GALNT1: variants seen among roughly 807,000 people sequenced by gnomAD.
The protein encoded by GALNT1 is polypeptide N-acetylgalactosaminyltransferase 1, also known as GalNAc transferase 1.
A neutral mutation model predicts 65.7 loss-of-function variants in GALNT1; 17 were observed. That is an observed-to-expected ratio of 0.26 (90% CI 0.18 to 0.39). The LOEUF (loss-of-function observed/expected upper bound fraction) is 0.39, where lower values mean the gene tolerates loss of function less well. Among genes scored for constraint, GALNT1 ranks in the 10% least tolerant of loss-of-function variants. The pLI is 1.00. For missense variants in GALNT1, 460 were observed against 672.8 expected (o/e 0.68, Z 3.50); for synonymous variants, 210 against 219.7 (o/e 0.96, Z 0.39).
chr18:35,702,735 A>C, intron 9 of GALNT1, 162 bp from the exon 10 acceptor site: 1 of 429,106 alleles, frequency 2.3e-6, no homozygotes. Context: ...AGACCTTTCT[A>C]GACCAATGAA....
intron 1 of GALNT1, among the ~76,000 whole-genome samples, chr18:35,618,981 C>CT (rs2144091740): frequency 6.6e-6 from 1 of 151,904 alleles, no homozygotes; most frequent in East Asian, 1.9e-4. Flanking sequence ...AACTAAGAGA[C>CT]GTTAAATGAC....
chr18:35,661,530 C>G (rs910689802), intron 2 of GALNT1, among the ~76,000 whole-genome samples: 2 of 150,262 alleles, frequency 1.3e-5, no homozygotes, highest in Non-Finnish European at 3.0e-5. Context: ...AAAAATTAAA[C>G]TCTCATGTAT....
intron 1 of GALNT1, among the ~76,000 whole-genome samples, chr18:35,637,733 T>C (rs1388303413): frequency 6.6e-6 from 1 of 152,244 alleles, no homozygotes; most frequent in African/African-American, 2.4e-5. Flanking sequence ...CAGCCTTCTA[T>C]TGGAAGAAGA....
chr18:35,602,394 A>G (rs912132569), intron 1 of GALNT1, among the ~76,000 whole-genome samples: 3 of 151,774 alleles, frequency 2.0e-5, no homozygotes, highest in Non-Finnish European at 2.9e-5. Context: ...GTATCTGTGT[A>G]TTTATATCTT....
chr18:35,636,285 G>A (rs2047087634), intron 1 of GALNT1, among the ~76,000 whole-genome samples: 1 of 152,110 alleles, frequency 6.6e-6, no homozygotes, highest in Non-Finnish European at 1.5e-5. Flanking sequence ...ACTTGACTCT[G>A]GAATGTCTTT....
chr18:35,614,993 AAAG>A (rs1246491897), intron 1 of GALNT1, among the ~76,000 whole-genome samples: 4 of 152,138 alleles, frequency 2.6e-5, no homozygotes, highest in South Asian at 2.1e-4. Context: ...ATGTTCATAG[AAAG>A]AAGGTTTCCT....
intron 1 of GALNT1, among the ~76,000 whole-genome samples, chr18:35,617,944 G>A (rs540097412): frequency 6.6e-6 from 1 of 150,560 alleles, no homozygotes; most frequent in Admixed American, 6.6e-5. Flanking sequence ...TTTTCTTTTC[G>A]ATAACTCTTC....
chr18:35,691,120 A>G lies in GALNT1; in HGVS notation c.1087A>G (p.Asn363Asp), dbSNP rs2047954647. Residue 363 changes from asparagine to aspartate, a missense_variant, in exon 8 of 12, where the codon AAT (asparagine) becomes GAT (aspartate). Coordinates refer to ENST00000269195, the MANE Select transcript of GALNT1 (RefSeq NM_020474.4). Reference sequence around the variant, plus strand: ...TCCAGGAGGCACAGGGCAGATTATCAATAAAAATAACAGACGACTTGCAGA... The same window carrying G: ...TCCAGGAGGCACAGGGCAGATTATCGATAAAAATAACAGACGACTTGCAGA... ...TFPGGTGQII[N>D]KNNRRLAEVW... The G allele has an allele frequency of 6.2e-7, 1 of 1,613,080 alleles. No individual in the cohort carries two copies.
chr18:35,607,262 T>C (rs999543490), intron 1 of GALNT1, among the ~76,000 whole-genome samples: 2 of 151,514 alleles, frequency 1.3e-5, no homozygotes, highest in African/African-American at 4.9e-5. Context: ...GAGAGCAGAG[T>C]TGATTGGGGA....
chr18:35,645,033 C>A (rs1290089211), intron 1 of GALNT1, among the ~76,000 whole-genome samples: 1 of 151,698 alleles, frequency 6.6e-6, no homozygotes, highest in Non-Finnish European at 1.5e-5. Context: ...TAAATAAATC[C>A]ATTCCCCAAA....
intron 1 of GALNT1, among the ~76,000 whole-genome samples, chr18:35,594,632 T>C (rs1043198533): frequency 6.6e-6 from 1 of 152,102 alleles, no homozygotes; most frequent in African/African-American, 2.4e-5. Flanking sequence ...AAGTGAGGGA[T>C]TTTTTGTGTG....
At position 35,710,962 on chromosome 18, in the gene GALNT1, C is replaced by CT. The variant is rs984474096; in HGVS notation, c.*1199dup. ...ATTGAATTGTAATGTTTATCTGCTG[C>CT]TTTTTTTAAATAAAATTTGACTGAA... is the stretch of plus-strand genomic sequence containing the variant. On this transcript the variant is annotated 3_prime_UTR_variant, in exon 12 of 12. Coordinates refer to ENST00000269195, the MANE Select transcript of GALNT1 (RefSeq NM_020474.4). The CT allele has an allele frequency of 3.7e-4, 56 of 152,502 alleles. No homozygotes were observed. Among genetic ancestry groups the CT allele is most frequent in the African/African-American group, 1.4e-3 (56 of 41,466 alleles). 9.4% of individuals were successfully genotyped at this position (152,502 alleles called of 1,614,324 possible).
intron 1 of GALNT1, among the ~76,000 whole-genome samples, chr18:35,645,445 G>A (rs1224456302): frequency 6.6e-6 from 1 of 151,964 alleles, no homozygotes; most frequent in Admixed American, 6.5e-5. Context: ...GTGTTAGCCA[G>A]GATGGTCTCG....
In GALNT1 at chr18:35,598,997, T is replaced by G. The variant is rs1327779077; in HGVS notation, c.-104+17135T>G. ...CCAGGTGATGTATCCAGGCGTTTTTTTTTTTTTTTTTCATGTACGTGTTGG... is the reference window on the plus strand; with the variant it reads ...CCAGGTGATGTATCCAGGCGTTTTTGTTTTTTTTTTTCATGTACGTGTTGG... On this transcript the variant is annotated intron_variant, in intron 1 of 11. Transcript: ENST00000269195. 4.0e-5 allele frequency among the ~76,000 whole-genome samples: 6 copies of G among 151,872 alleles called. No individual in the cohort carries two copies. The East Asian group carries it at 7.7e-4, about 19-fold the overall frequency.
At chr18:35,654,108 T>C (rs17647532) in intron 1 of GALNT1, among the ~76,000 whole-genome samples, 17,305 of 152,208 alleles carry the variant, frequency 0.11, 1,066 homozygotes, top group Admixed American at 0.19. Flanking sequence ...CCTATGGTAA[T>C]TAATAGCTTG....
At chr18:35,699,355 C>T (rs953737543) in intron 9 of GALNT1, among the ~76,000 whole-genome samples, 2 of 152,120 alleles carry the variant, frequency 1.3e-5, no homozygotes, top group African/African-American at 4.8e-5. Context: ...ATCAAATCTG[C>T]CTTTTATTTA....
chr18:35,640,503 A>C (rs182393566), intron 1 of GALNT1, among the ~76,000 whole-genome samples: 1 of 152,368 alleles, frequency 6.6e-6, no homozygotes, highest in Non-Finnish European at 1.5e-5. Context: ...GCTTTTGGAA[A>C]GATAGCAGAT....
chr18:35,621,244 T>C (rs1159045899), intron 1 of GALNT1, among the ~76,000 whole-genome samples: 3 of 149,540 alleles, frequency 2.0e-5, no homozygotes, highest in African/African-American at 7.6e-5. Context: ...AGTAGTGGGA[T>C]CACAGCTCAC....
At chr18:35,609,371 G>C (rs1222121215) in intron 1 of GALNT1, among the ~76,000 whole-genome samples, 3 of 152,146 alleles carry the variant, frequency 2.0e-5, no homozygotes, top group Non-Finnish European at 2.9e-5. Flanking sequence ...ATAGAGCATT[G>C]TTCCTGCAGC....
Sources: allele counts gnomAD v4.1 joint callset (sites outside exome capture counted in the v4.1 genomes callset), GRCh38; gene constraint gnomAD v4.1.1; transcripts MANE v1.5; gene names NCBI Gene and HGNC (gene_info 2026-07-23, HGNC 2026-07-21).